The following LHFPL3 variants were observed in gnomAD, a reference collection of about 807,000 sequenced individuals.
LHFPL3 encodes the protein LHFPL tetraspan subfamily member 3 protein.
In LHFPL3, 5 loss-of-function variants were observed where a neutral mutation model predicts 19.3. That is an observed-to-expected ratio of 0.26 (90% confidence interval 0.14 to 0.54). The LOEUF is 0.54. LHFPL3 is among the 20% of genes least tolerant of loss of function. LHFPL3 has a pLI of 0.94. For missense variants in LHFPL3, 249 were observed against 307.4 expected (o/e 0.81, Z 1.42); for synonymous variants, 133 against 126.2 (o/e 1.05, Z -0.36).
At chr7:104,488,494 T>C (rs1793278342) in intron 1 of LHFPL3, among the ~76,000 whole-genome samples, 1 of 152,172 alleles carries the variant, frequency 6.6e-6, no homozygotes, top group Non-Finnish European at 1.5e-5. Flanking sequence ...TCCCAGGACA[T>C]ATATTTTCAC....
intron 1 of LHFPL3, among the ~76,000 whole-genome samples, chr7:104,580,588 G>A (rs185534169): frequency 1.9e-3 from 283 of 152,136 alleles, no homozygotes; most frequent in African/African-American, 5.8e-3. Context: ...AATGCATAAA[G>A]TTAGGCATAT....
At chr7:104,571,850 C>A (rs1790236534) in intron 1 of LHFPL3, among the ~76,000 whole-genome samples, 1 of 152,064 alleles carries the variant, frequency 6.6e-6, no homozygotes, top group Admixed American at 6.5e-5. Context: ...TATTTGGCAT[C>A]CTGATGATTC....
At chr7:104,435,345 C>G (rs1792082017) in intron 1 of LHFPL3, among the ~76,000 whole-genome samples, 1 of 151,860 alleles carries the variant, frequency 6.6e-6, no homozygotes, top group African/African-American at 2.4e-5. Context: ...GACACTGGGT[C>G]TTGCCAGGCT....
chr7:104,634,530 A>C (rs1009892353), intron 1 of LHFPL3, among the ~76,000 whole-genome samples: 1 of 152,226 alleles, frequency 6.6e-6, no homozygotes, highest in Admixed American at 6.5e-5. Context: ...CAAAGACACC[A>C]GGCACCAAAG....
chr7:104,465,386 C>T (rs7456130), intron 1 of LHFPL3, among the ~76,000 whole-genome samples: 25,770 of 152,114 alleles, frequency 0.17, 2,183 homozygotes, highest in Middle Eastern at 0.2. Context: ...AAGTTGATTC[C>T]ACATTTTCGG....
chr7:104,891,409 G>A (rs1584601093), intron 2 of LHFPL3, among the ~76,000 whole-genome samples: 1 of 152,060 alleles, frequency 6.6e-6, no homozygotes, highest in Non-Finnish European at 1.5e-5. Context: ...TATCATGTGT[G>A]AGACAGGAAA....
intron 1 of LHFPL3, among the ~76,000 whole-genome samples, chr7:104,654,751 A>C (rs1436911825): frequency 6.6e-6 from 1 of 152,138 alleles, no homozygotes; most frequent in Non-Finnish European, 1.5e-5. Flanking sequence ...GAAAATGAAG[A>C]GCTGAGCAGT....
intron 1 of LHFPL3, among the ~76,000 whole-genome samples, chr7:104,561,327 G>A (rs1789997869): frequency 6.7e-6 from 1 of 149,296 alleles, no homozygotes; most frequent in African/African-American, 2.6e-5. Context: ...AAGTCTCTTT[G>A]TAGGTCACTC....
At chr7:104,331,933 G>C (rs1409732134) in intron 1 of LHFPL3, among the ~76,000 whole-genome samples, 1 of 151,418 alleles carries the variant, frequency 6.6e-6, no homozygotes, top group Non-Finnish European at 1.5e-5. Context: ...CTGGGAAACA[G>C]AGCGAGACCC....
intron 1 of LHFPL3, among the ~76,000 whole-genome samples, chr7:104,430,402 A>ATATATATATATG (rs1791952909): frequency 2.9e-5 from 1 of 34,170 alleles, no homozygotes; most frequent in African/African-American, 2.5e-4. Context: ...ATATATATAT[A>ATATATATATATG]TACATATATA....
intron 1 of LHFPL3, among the ~76,000 whole-genome samples, chr7:104,591,046 A>G (rs1352831563): frequency 1.3e-5 from 2 of 152,128 alleles, no homozygotes; most frequent in African/African-American, 2.4e-5. Flanking sequence ...GAGCACACTG[A>G]TGGGTCCTGA....
chr7:104,673,225 G>A (rs1187197659), intron 1 of LHFPL3, among the ~76,000 whole-genome samples: 1 of 152,208 alleles, frequency 6.6e-6, no homozygotes, highest in Non-Finnish European at 1.5e-5. Flanking sequence ...TACGAAAAGA[G>A]TTTATACACA....
At chr7:104,493,248 T>C (rs905297926) in intron 1 of LHFPL3, among the ~76,000 whole-genome samples, 4 of 152,096 alleles carry the variant, frequency 2.6e-5, no homozygotes, top group African/African-American at 9.7e-5. Flanking sequence ...TTGGACACAG[T>C]GCTTTCCTAG....
At chr7:104,531,599 C>T (rs988543396) in intron 1 of LHFPL3, among the ~76,000 whole-genome samples, 19 of 152,252 alleles carry the variant, frequency 1.2e-4, no homozygotes, top group African/African-American at 4.6e-4. Context: ...GCAGTCATGT[C>T]TTCTAGGACT....
intron 1 of LHFPL3, among the ~76,000 whole-genome samples, chr7:104,516,485 G>A (rs1324950199): frequency 6.6e-6 from 1 of 152,028 alleles, no homozygotes; most frequent in Non-Finnish European, 1.5e-5. Flanking sequence ...AGCATTACAT[G>A]TAATTAATTT....
intron 1 of LHFPL3, among the ~76,000 whole-genome samples, chr7:104,630,455 A>G (rs1280628607): frequency 6.6e-6 from 1 of 152,180 alleles, no homozygotes; most frequent in East Asian, 1.9e-4. Flanking sequence ...TGGAATAAAA[A>G]GTACTGACAA....
At chr7:104,374,185 A>G (rs1225015821) in intron 1 of LHFPL3, among the ~76,000 whole-genome samples, 1 of 147,274 alleles carries the variant, frequency 6.8e-6, no homozygotes, top group East Asian at 2.0e-4. Flanking sequence ...GAGTAATTCT[A>G]TTATCTATCT....
rs560482273 is a variant in LHFPL3 at position 104,557,767 on chromosome 7, C to T, written c.446-178908C>T. 4.3e-3 allele frequency among the ~76,000 whole-genome samples: 644 copies of T among 150,568 alleles called. 1 individual carries two copies. The highest frequency in any genetic ancestry group is 0.017 in the Middle Eastern group (5 of 292). ...TATGTATACATGTGCCATGCTGGTGCGCTGCACCCACTAACTCATCATCTA... is the reference window on the plus strand; with the variant it reads ...TATGTATACATGTGCCATGCTGGTGTGCTGCACCCACTAACTCATCATCTA... On this transcript the variant is annotated intron_variant, in intron 1 of 2. Coordinates refer to ENST00000424859, the MANE Select transcript of LHFPL3 (RefSeq NM_199000.3).
At chr7:104,813,843 G>A (rs1223491130) in intron 2 of LHFPL3, among the ~76,000 whole-genome samples, 3 of 152,242 alleles carry the variant, frequency 2.0e-5, no homozygotes, top group Non-Finnish European at 4.4e-5. Flanking sequence ...CAAAGAAGGA[G>A]TCATAGCCCT....
Sources: gnomAD v4.1 joint callset for allele counts (sites outside exome capture counted in the v4.1 genomes callset) on GRCh38, gnomAD v4.1.1 for gene constraint, MANE v1.5 for transcripts, NCBI Gene and HGNC (gene_info 2026-07-23, HGNC 2026-07-21) for gene names.